The following EWSR1 variants were observed in gnomAD, a reference collection of about 807,000 sequenced individuals.
The protein encoded by EWSR1 is EWS RNA binding protein 1, also known as RNA-binding protein EWS.
In EWSR1, 14 loss-of-function variants were observed where a neutral mutation model predicts 92.1. That is an observed-to-expected ratio of 0.15 (90% confidence interval 0.10 to 0.24). EWSR1 has a LOEUF of 0.24. Among genes scored for constraint, EWSR1 ranks in the 10% least tolerant of loss-of-function variants. The pLI is 1.00. For synonymous variants in EWSR1, 303 were observed against 292.9 expected (o/e 1.03, Z -0.35); for missense variants, 637 against 870.9 (o/e 0.73, Z 3.38).
At position 29,297,925 on chromosome 22, in the gene EWSR1, G is replaced by C; in HGVS notation, c.1393G>C (p.Gly465Arg). Residue 465 changes from glycine to arginine, a missense_variant, in exon 13 of 17, where the codon GGC becomes CGC. Transcript: ENST00000397938. ...RGGLPPREGR[G>R]MPPPLRGGPG... ...TGGTCTGCCACCCCGTGAGGGCAGAGGCATGCCACCACCACTCCGTGGAGG... is the reference window on the plus strand; with the variant it reads ...TGGTCTGCCACCCCGTGAGGGCAGACGCATGCCACCACCACTCCGTGGAGG... 1 of 1,613,896 alleles carries C rather than the reference G, an allele frequency of 6.2e-7. No homozygotes were observed. The highest frequency in any genetic ancestry group is 8.5e-7 in the Non-Finnish European group (1 of 1,179,936).
chr22:29,271,104 A>T (rs143390056), intron 1 of EWSR1, among the ~76,000 whole-genome samples: 2 of 152,340 alleles, frequency 1.3e-5, no homozygotes, highest in East Asian at 3.9e-4. Flanking sequence ...GGATGCCATG[A>T]AGAGCTGTCA....
chr22:29,269,471 C>G (rs919163430), intron 1 of EWSR1: 7 of 152,178 alleles, frequency 4.6e-5, no homozygotes, highest in African/African-American at 1.7e-4. Context: ...CACTAACCCG[C>G]GAAAATTGGC....
intron 6 of EWSR1, among the ~76,000 whole-genome samples, chr22:29,286,404 C>T (rs995088161): frequency 1.1e-4 from 16 of 151,902 alleles, no homozygotes; most frequent in African/African-American, 3.6e-4. Context: ...ATTTCCCCCT[C>T]CCAGCTGGGC....
chr22:29,289,486 C>G (rs996152433), intron 8 of EWSR1: 1 of 232,762 alleles, frequency 4.3e-6, no homozygotes, highest in Non-Finnish European at 8.5e-6. Context: ...CCTGCTGCCT[C>G]TGCCTGCCCT....
intron 9 of EWSR1, 190 bp from the exon 10 acceptor site, chr22:29,291,947 A>G (rs1272287711): frequency 8.1e-6 from 5 of 620,226 alleles, no homozygotes; most frequent in Non-Finnish European, 1.4e-5. Flanking sequence ...AGCAAAGGAA[A>G]AAAGCAAACC....
At position 29,299,260 on chromosome 22, in the gene EWSR1, G is replaced by A; in HGVS notation, c.1607G>A (p.Trp536Ter). 1 of 1,614,106 alleles carries A rather than the reference G, an allele frequency of 6.2e-7. No homozygotes were observed. Among genetic ancestry groups the A allele is most frequent in the Non-Finnish European group, 8.5e-7 (1 of 1,179,968 alleles). ...NPGCGNQNFAWRTECNQCKAP... is the reference protein window; with the variant it reads ...NPGCGNQNFA ...GGTTGTGGAAACCAGAACTTCGCCT[G>A]GAGAACAGAGTGCAACCAGTGTAAG... The change falls in exon 15 of 17, where the codon TGG (tryptophan) becomes TAG (stop). Residue 536 changes from tryptophan to a stop codon, truncating the protein, a stop_gained. Coordinates refer to ENST00000397938, the MANE Select transcript of EWSR1 (RefSeq NM_005243.4). LOFTEE classifies it high-confidence loss of function.
chr22:29,291,667 AT>A (rs1196540704), intron 9 of EWSR1, 68 bp downstream of exon 9: 5 of 1,420,978 alleles, frequency 3.5e-6, no homozygotes, highest in Non-Finnish European at 2.9e-6. Context: ...GAAAACTATA[AT>A]TTTTTTATTA....
intron 6 of EWSR1, 108 bp from the exon 7 acceptor site, chr22:29,286,815 A>C (rs941716044): frequency 2.9e-5 from 21 of 727,120 alleles, no homozygotes; most frequent in Non-Finnish European, 3.9e-5. Flanking sequence ...CTACTGTTTT[A>C]TGGATGTCTG....
intron 6 of EWSR1, among the ~76,000 whole-genome samples, chr22:29,283,876 C>G (rs1322460977): frequency 1.3e-5 from 2 of 150,052 alleles, no homozygotes; most frequent in Non-Finnish European, 2.9e-5. Flanking sequence ...CTCTTGTTGC[C>G]CAGGCTGGAG....
chr22:29,284,487 C>G (rs2059867150), intron 6 of EWSR1, among the ~76,000 whole-genome samples: 1 of 151,250 alleles, frequency 6.6e-6, no homozygotes, highest in Non-Finnish European at 1.5e-5. Context: ...GGCTTACAAC[C>G]CTTCTTCCAC....
intron 3 of EWSR1, among the ~76,000 whole-genome samples, chr22:29,272,836 G>A (rs909049805): frequency 3.3e-5 from 5 of 152,186 alleles, no homozygotes; most frequent in Admixed American, 6.5e-5. Flanking sequence ...TAAGTGGCGG[G>A]GTTAGCTCTA....
At position 29,287,043 on chromosome 22, in the gene EWSR1, G is replaced by A. The variant is rs1490343728; in HGVS notation, c.702G>A (p.Gln234=). 10 of 1,613,980 alleles carry A rather than the reference G, an allele frequency of 6.2e-6. No individual in the cohort carries two copies. In the South Asian group the frequency reaches 1.1e-4, roughly 18 times the overall value. The change falls in exon 7 of 17, where the codon CAG becomes CAA. Residue 234 remains glutamine (Q), a synonymous_variant. Coordinates refer to ENST00000397938, the MANE Select transcript of EWSR1 (RefSeq NM_005243.4). ...ATGGTCAACAAAGCAGCTATGGGCA[G>A]CAGCCTCCCACTAGTTACCCACCCC... ...SSYGQQSSYG[Q]QPPTSYPPQT...
intron 8 of EWSR1, chr22:29,289,792 CAG>C: frequency 4.3e-6 from 1 of 231,788 alleles, no homozygotes; most frequent in Non-Finnish European, 8.5e-6. Flanking sequence ...TACTGAAAGA[CAG>C]TACTATTTTG....
intron 6 of EWSR1, among the ~76,000 whole-genome samples, chr22:29,283,051 C>T (rs894460501): frequency 9.2e-5 from 14 of 152,138 alleles, no homozygotes; most frequent in Non-Finnish European, 1.3e-4. Context: ...CGTGAGCCAC[C>T]GCACCCGGCC....
At chr22:29,286,096 C>G (rs1388060264) in intron 6 of EWSR1, among the ~76,000 whole-genome samples, 1 of 152,078 alleles carries the variant, frequency 6.6e-6, no homozygotes, top group African/African-American at 2.4e-5. Context: ...GCCTCGGCCT[C>G]CCAAAGTGCT....
chr22:29,288,831 AT>A lies in EWSR1; in HGVS notation c.974+46del, dbSNP rs780843771. On this transcript the variant is annotated intron_variant, in intron 8 of 16. Coordinates refer to ENST00000397938, the MANE Select transcript of EWSR1 (RefSeq NM_005243.4). Reference sequence around the variant, plus strand: ...CCTTTTACCTAATTTTGTTTCATCCATAGGATTTTCAGTGGAAAGAAGGGAC... The same window carrying A: ...CCTTTTACCTAATTTTGTTTCATCCAAGGATTTTCAGTGGAAAGAAGGGAC... 1.3e-5 allele frequency: 20 copies of A among 1,484,622 alleles called. No homozygotes were observed. The East Asian group carries it at 5.0e-4, about 37-fold the overall frequency. 92.0% of individuals were successfully genotyped at this position (1,484,622 alleles called of 1,614,324 possible). A position where few individuals can be genotyped will look rare whatever the true frequency, so the allele number is the denominator to read the frequency against.
At chr22:29,275,801 ACTT>A (rs1244827061) in intron 4 of EWSR1, 2 of 230,860 alleles carry the variant, frequency 8.7e-6, no homozygotes, top group Admixed American at 5.6e-5. Flanking sequence ...ATTCTTAAAA[ACTT>A]CTTAATTTTT....
At chr22:29,283,111 GTTCT>G (rs1332467898) in intron 6 of EWSR1, among the ~76,000 whole-genome samples, 3 of 152,100 alleles carry the variant, frequency 2.0e-5, no homozygotes, top group African/African-American at 7.2e-5. Flanking sequence ...ACCACTCTAA[GTTCT>G]TTCTTTAAGT....
At chr22:29,285,195 C>T (rs569163029) in intron 6 of EWSR1, among the ~76,000 whole-genome samples, 1 of 139,414 alleles carries the variant, frequency 7.2e-6, no homozygotes, top group Admixed American at 7.8e-5. Context: ...GCTGTCTTGG[C>T]TCACTGCAGC....
Sources: allele counts gnomAD v4.1 joint callset (sites outside exome capture counted in the v4.1 genomes callset), GRCh38; gene constraint gnomAD v4.1.1; transcripts MANE v1.5; gene names NCBI Gene and HGNC (gene_info 2026-07-23, HGNC 2026-07-21).